SLC2A13: variants seen among roughly 807,000 people sequenced by gnomAD.
SLC2A13 encodes the protein proton myo-inositol cotransporter.
In SLC2A13, 32 loss-of-function variants were observed where a neutral mutation model predicts 64.4. That is an observed-to-expected ratio of 0.50 (90% CI 0.37 to 0.67). The LOEUF is 0.67. Among genes scored for constraint, SLC2A13 ranks in the 30% least tolerant of loss-of-function variants. The pLI, the probability that SLC2A13 is intolerant of heterozygous loss-of-function variation, is 0.00. For missense variants in SLC2A13, 743 were observed against 829.2 expected (o/e 0.90, Z 1.28); for synonymous variants, 338 against 327.1 (o/e 1.03, Z -0.36).
intron 7 of SLC2A13, among the ~76,000 whole-genome samples, chr12:39,784,790 C>T (rs955468565): frequency 4.6e-5 from 7 of 152,114 alleles, no homozygotes; most frequent in Non-Finnish European, 7.3e-5. Flanking sequence ...GAACAGGCAA[C>T]CTATAGAATG....
chr12:39,791,133 T>G (rs917431332), intron 7 of SLC2A13, among the ~76,000 whole-genome samples: 3 of 151,802 alleles, frequency 2.0e-5, no homozygotes, highest in Admixed American at 6.6e-5. Flanking sequence ...CTTTGTCAGA[T>G]GAGTAGGTTG....
At chr12:40,038,717 C>A (rs1174663874) in intron 2 of SLC2A13, among the ~76,000 whole-genome samples, 1 of 121,666 alleles carries the variant, frequency 8.2e-6, no homozygotes. Context: ...GGTGACAGAG[C>A]AAGACCCTGT....
intron 1 of SLC2A13, among the ~76,000 whole-genome samples, chr12:40,070,766 T>C (rs1322982739): frequency 6.6e-6 from 1 of 152,184 alleles, no homozygotes; most frequent in Non-Finnish European, 1.5e-5. Flanking sequence ...GTTACTTCCC[T>C]TCACCTCTGG....
chr12:39,821,924 T>C (rs1049584334), intron 7 of SLC2A13, among the ~76,000 whole-genome samples: 3 of 152,190 alleles, frequency 2.0e-5, no homozygotes, highest in Non-Finnish European at 4.4e-5. Context: ...ATTATTAATT[T>C]TTTTATTATT....
At chr12:39,862,621 T>G (rs1322964947) in intron 6 of SLC2A13, among the ~76,000 whole-genome samples, 1 of 152,240 alleles carries the variant, frequency 6.6e-6, no homozygotes, top group Non-Finnish European at 1.5e-5. Context: ...TATCTACATT[T>G]ACAAAGTGAA....
intron 9 of SLC2A13, among the ~76,000 whole-genome samples, chr12:39,761,594 C>G (rs1037571468): frequency 6.8e-6 from 1 of 147,804 alleles, no homozygotes; most frequent in Non-Finnish European, 1.5e-5. Context: ...AAGGGTGATA[C>G]TGATAAGCTA....
intron 7 of SLC2A13, among the ~76,000 whole-genome samples, chr12:39,799,375 G>T (rs919002788): frequency 2.0e-5 from 3 of 149,932 alleles, no homozygotes; most frequent in Non-Finnish European, 4.4e-5. Flanking sequence ...CTTCCAAAGT[G>T]CTGGAATTAC....
intron 3 of SLC2A13, among the ~76,000 whole-genome samples, chr12:40,007,178 T>C (rs1326242996): frequency 6.6e-6 from 1 of 152,202 alleles, no homozygotes; most frequent in Non-Finnish European, 1.5e-5. Flanking sequence ...AGTGGGCACA[T>C]AGATGCTGCG....
At chr12:39,874,226 G>A (rs890523588) in intron 4 of SLC2A13, among the ~76,000 whole-genome samples, 5 of 152,140 alleles carry the variant, frequency 3.3e-5, no homozygotes, top group East Asian at 1.9e-4. Context: ...GGGCACTGGA[G>A]GTCACTGAAA....
At chr12:39,917,698 A>G (rs2136050226) in intron 4 of SLC2A13, among the ~76,000 whole-genome samples, 1 of 152,054 alleles carries the variant, frequency 6.6e-6, no homozygotes, top group East Asian at 1.9e-4. Context: ...TTTCGGACTC[A>G]GTGAATTACA....
chr12:39,870,921 A>G (rs1223756474), intron 5 of SLC2A13, among the ~76,000 whole-genome samples: 1 of 152,212 alleles, frequency 6.6e-6, no homozygotes, highest in African/African-American at 2.4e-5. Context: ...CAGTTCTATT[A>G]GATCAATGTT....
At position 39,909,517 on chromosome 12, in the gene SLC2A13, T is replaced by C. The variant is rs137980820; in HGVS notation, c.1035-37556A>G. Among the ~76,000 whole-genome samples the C allele has an allele frequency of 2.3e-4, 35 of 152,234 alleles. 1 individual carries two copies. The highest frequency in any genetic ancestry group is 5.2e-4 in the Admixed American group (8 of 15,276). Reference sequence around the variant, plus strand: ...TTGCCATAGTATTTCAGAACACTCATTAAATACATACAGACCTGTTATAAA... The same window carrying C: ...TTGCCATAGTATTTCAGAACACTCACTAAATACATACAGACCTGTTATAAA... On this transcript the variant is annotated intron_variant, in intron 4 of 9. Transcript: ENST00000280871.
intron 6 of SLC2A13, among the ~76,000 whole-genome samples, chr12:39,839,737 A>G (rs1188076401): frequency 6.6e-6 from 1 of 151,998 alleles, no homozygotes; most frequent in African/African-American, 2.4e-5. Flanking sequence ...TTACATGACC[A>G]TTGCTATAAC....
chr12:39,794,179 G>C (rs1197457670), intron 7 of SLC2A13, among the ~76,000 whole-genome samples: 1 of 137,782 alleles, frequency 7.3e-6, no homozygotes, highest in African/African-American at 2.7e-5. Context: ...CTGCAAAATT[G>C]CAAGAGTTGC....
At chr12:39,766,061 T>A (rs1010446124) in intron 7 of SLC2A13, among the ~76,000 whole-genome samples, 1 of 152,132 alleles carries the variant, frequency 6.6e-6, no homozygotes, top group Non-Finnish European at 1.5e-5. Flanking sequence ...CACTTTATAG[T>A]TTCCTTGATT....
intron 4 of SLC2A13, among the ~76,000 whole-genome samples, chr12:39,888,563 A>G (rs1944524873): frequency 6.6e-6 from 1 of 152,186 alleles, no homozygotes; most frequent in Non-Finnish European, 1.5e-5. Flanking sequence ...TTAGCAGGGT[A>G]CCTGTAATTA....
chr12:40,030,809 T>C (rs1194045896), intron 2 of SLC2A13, among the ~76,000 whole-genome samples: 1 of 152,046 alleles, frequency 6.6e-6, no homozygotes, highest in Non-Finnish European at 1.5e-5. Flanking sequence ...TTAGCCTGTG[T>C]TTCTTAAGTG....
intron 1 of SLC2A13, among the ~76,000 whole-genome samples, chr12:40,055,008 C>G (rs909656433): frequency 6.6e-6 from 1 of 152,124 alleles, no homozygotes; most frequent in Non-Finnish European, 1.5e-5. Flanking sequence ...TAAAAAGAAA[C>G]AGAGTCTGTC....
At chr12:39,912,582 G>A (rs979092340) in intron 4 of SLC2A13, among the ~76,000 whole-genome samples, 4 of 152,110 alleles carry the variant, frequency 2.6e-5, no homozygotes, top group African/African-American at 9.7e-5. Context: ...GGGATGGATT[G>A]GGAAGAGCTC....
Sources: gnomAD v4.1 joint callset for allele counts (sites outside exome capture counted in the v4.1 genomes callset) on GRCh38, gnomAD v4.1.1 for gene constraint, MANE v1.5 for transcripts, NCBI Gene and HGNC (gene_info 2026-07-23, HGNC 2026-07-21) for gene names.